DPP6: variants seen among roughly 807,000 people sequenced by gnomAD.
DPP6 encodes dipeptidyl peptidase like 6.
Under a neutral mutation model 122.6 loss-of-function variants are expected in DPP6, and 69 were observed. That is an observed-to-expected ratio of 0.56 (90% CI 0.46 to 0.69). The LOEUF (loss-of-function observed/expected upper bound fraction) is 0.69. DPP6 is among the 30% of genes least tolerant of loss of function. The pLI, the probability that DPP6 is intolerant of heterozygous loss-of-function variation, is 0.00. For missense variants in DPP6, 928 were observed against 1,116.9 expected (o/e 0.83, Z 2.41); for synonymous variants, 418 against 433.1 (o/e 0.97, Z 0.43).
chr7:154,512,695 A>AAG (rs57527525), intron 3 of DPP6, among the ~76,000 whole-genome samples: 19,454 of 152,184 alleles, frequency 0.13, 1,524 homozygotes, highest in Non-Finnish European at 0.17. Flanking sequence ...GTGTAATGGG[A>AAG]AGGGAGTGAA....
intron 1 of DPP6, among the ~76,000 whole-genome samples, chr7:154,130,569 C>T (rs528551291): frequency 8.4e-4 from 128 of 152,244 alleles, no homozygotes; most frequent in African/African-American, 2.9e-3. Flanking sequence ...AAAGCGTATC[C>T]GAAACACTCA....
chr7:154,689,117 A>T (rs1255529083), intron 7 of DPP6, among the ~76,000 whole-genome samples: 1 of 152,156 alleles, frequency 6.6e-6, no homozygotes, highest in East Asian at 1.9e-4. Context: ...AGAACCACCC[A>T]CACTATGTTG....
intron 1 of DPP6, among the ~76,000 whole-genome samples, chr7:154,030,312 G>A (rs779325958): frequency 3.9e-5 from 6 of 152,280 alleles, no homozygotes; most frequent in South Asian, 2.1e-4. Flanking sequence ...ATCAGAAATC[G>A]CTCATCATGG....
At chr7:154,467,558 C>A (rs1253320649) in intron 2 of DPP6, among the ~76,000 whole-genome samples, 1 of 152,178 alleles carries the variant, frequency 6.6e-6, no homozygotes, top group Non-Finnish European at 1.5e-5. Flanking sequence ...GAGGCCTCCC[C>A]AGCCATGCAG....
chr7:154,829,561 A>C (rs1478394971), intron 16 of DPP6, among the ~76,000 whole-genome samples: 2 of 151,998 alleles, frequency 1.3e-5, no homozygotes, highest in African/African-American at 4.8e-5. Flanking sequence ...ACAGACCAAG[A>C]TATTAGCAGG....
chr7:153,971,492 C>T (rs148030887), intron 1 of DPP6, among the ~76,000 whole-genome samples: 1,751 of 144,846 alleles, frequency 0.012, 112 homozygotes, highest in East Asian at 0.074. Context: ...GATTAAATCT[C>T]TGCCTGGGTT....
intron 1 of DPP6, among the ~76,000 whole-genome samples, chr7:154,159,662 C>T (rs1466242693): frequency 1.3e-5 from 2 of 152,288 alleles, no homozygotes; most frequent in African/African-American, 4.8e-5. Flanking sequence ...ACAAAGATGT[C>T]AGGGAGCCAT....
chr7:153,841,213 C>T, the DPP6 span, among the ~76,000 whole-genome samples: 2 of 152,184 alleles, frequency 1.3e-5, no homozygotes, highest in Non-Finnish European at 2.9e-5. Flanking sequence ...AATGAATTCC[C>T]AGGCTTCAAA....
chr7:154,138,362 T>G (rs1186913672), intron 1 of DPP6, among the ~76,000 whole-genome samples: 2 of 152,198 alleles, frequency 1.3e-5, no homozygotes, highest in Non-Finnish European at 2.9e-5. Flanking sequence ...TGAAGATGCT[T>G]TCTGGGATGA....
intron 2 of DPP6, among the ~76,000 whole-genome samples, chr7:154,459,584 C>T (rs540120535): frequency 6.6e-6 from 1 of 151,826 alleles, no homozygotes; most frequent in African/African-American, 2.4e-5. Flanking sequence ...AATCTCAGCA[C>T]TTTGGGAGGC....
At chr7:153,890,609 C>G (rs2128993164) in intron 1 of DPP6, among the ~76,000 whole-genome samples, 1 of 151,738 alleles carries the variant, frequency 6.6e-6, no homozygotes, top group South Asian at 2.1e-4. Flanking sequence ...GGCAGATGCA[C>G]CAGCATACTA....
chr7:154,267,435 CACAT>C (rs1383929806), intron 1 of DPP6, among the ~76,000 whole-genome samples: 1 of 148,116 alleles, frequency 6.8e-6, no homozygotes, highest in African/African-American at 2.5e-5. Flanking sequence ...CATATACATG[CACAT>C]ACATATATAA....
chr7:154,637,972 G>A (rs958667430), intron 6 of DPP6, 99 bp downstream of exon 6: 23 of 1,332,484 alleles, frequency 1.7e-5, no homozygotes, highest in East Asian at 5.2e-5. Flanking sequence ...GGGAAATGGC[G>A]TTCCAGTTCT....
upstream of DPP6, among the ~76,000 whole-genome samples, chr7:153,883,234 G>A (rs185710983): frequency 3.4e-4 from 52 of 152,354 alleles, no homozygotes; most frequent in African/African-American, 1.2e-3. Context: ...GGATGGGATA[G>A]GGAATGAACT....
intron 1 of DPP6, among the ~76,000 whole-genome samples, chr7:154,145,507 G>T (rs1194707942): frequency 6.6e-6 from 1 of 152,014 alleles, no homozygotes; most frequent in East Asian, 1.9e-4. Context: ...TGACCCACTG[G>T]AACTGGAAGA....
intron 1 of DPP6, among the ~76,000 whole-genome samples, chr7:154,247,166 AGCCAGGAGTGGTGGTGT>A (rs1343713900): frequency 2.6e-5 from 4 of 152,120 alleles, no homozygotes; most frequent in African/African-American, 9.7e-5. Context: ...TACAAAGATG[AGCCAGGAGTGGTGGTGT>A]GTGCCTGTAG....
intron 5 of DPP6, chr7:154,588,340 A>T (rs1473412383): frequency 9.3e-6 from 5 of 535,074 alleles, no homozygotes; most frequent in African/African-American, 3.8e-5. Context: ...GGATTCCCTC[A>T]TGATTCCTCT....
At chr7:154,737,789 G>A (rs1310705393) in intron 8 of DPP6, among the ~76,000 whole-genome samples, 3 of 152,210 alleles carry the variant, frequency 2.0e-5, no homozygotes, top group Admixed American at 6.5e-5. Context: ...TGAACCATCT[G>A]TGCTGTAAAA....
At chr7:154,554,355 GT>G (rs1313529171) in intron 4 of DPP6, among the ~76,000 whole-genome samples, 6 of 151,164 alleles carry the variant, frequency 4.0e-5, no homozygotes, top group Non-Finnish European at 7.4e-5. Flanking sequence ...TATATTTAGG[GT>G]TTTTTTTCAT....
Sources: allele counts gnomAD v4.1 joint callset (sites outside exome capture counted in the v4.1 genomes callset), GRCh38; gene constraint gnomAD v4.1.1; transcripts MANE v1.5; gene names NCBI Gene and HGNC (gene_info 2026-07-23, HGNC 2026-07-21).